Variants in CLYBL observed in about 807,000 individuals in gnomAD.
CLYBL encodes the protein citramalyl-CoA lyase, also known as citramalyl-CoA lyase, mitochondrial.
CLYBL carries 31 observed loss-of-function variants against 38.9 expected under a neutral mutation model. The ratio of observed to expected loss-of-function variants is 0.80; its 90% confidence interval spans 0.60 to 1.08. The LOEUF (loss-of-function observed/expected upper bound fraction) is 1.08. Among genes scored for constraint, CLYBL ranks in the 50% least tolerant of loss-of-function variants. The pLI, the probability that CLYBL is intolerant of heterozygous loss-of-function variation, is 0.00. For missense variants in CLYBL, 434 were observed against 411.6 expected (o/e 1.05, Z -0.47); for synonymous variants, 171 against 158.6 (o/e 1.08, Z -0.59).
intron 1 of CLYBL, among the ~76,000 whole-genome samples, chr13:99,771,003 A>C: frequency 6.8e-6 from 1 of 146,676 alleles, no homozygotes; most frequent in South Asian, 2.1e-4. Context: ...TACAGGCGTA[A>C]GCCACCACGC....
intron 1 of CLYBL, among the ~76,000 whole-genome samples, chr13:99,739,402 G>C (rs750864114): frequency 6.6e-6 from 1 of 152,096 alleles, no homozygotes; most frequent in Non-Finnish European, 1.5e-5. Context: ...ATGATGGGTC[G>C]CGTTCTGCCT....
At position 99,644,485 on chromosome 13, in the gene CLYBL, G is replaced by A. The variant is rs148115199; in HGVS notation, c.62+37728G>A. Among the ~76,000 whole-genome samples the A allele has an allele frequency of 4.6e-5, 7 of 152,264 alleles. No individual in the cohort carries two copies. The East Asian group carries it at 1.3e-3, about 29-fold the overall frequency. On this transcript the variant is annotated intron_variant, in intron 1 of 8. Transcript: ENST00000339105. ...GTAAATAGGGTATCTCTGACCTCAA[G>A]CATTTGTCATTTCTTTGTGTTTCAA...
chr13:99,832,892 G>GA (rs976184019), intron 2 of CLYBL, among the ~76,000 whole-genome samples: 2 of 147,478 alleles, frequency 1.4e-5, no homozygotes, highest in African/African-American at 2.5e-5. Flanking sequence ...AAAAATAAAA[G>GA]AAAAAAACCC....
At chr13:99,845,837 G>A (rs1273387027) in intron 2 of CLYBL, among the ~76,000 whole-genome samples, 1 of 152,086 alleles carries the variant, frequency 6.6e-6, no homozygotes, top group East Asian at 1.9e-4. Context: ...CCTGCTGGCC[G>A]TCCTTCTTCT....
chr13:99,840,477 G>A (rs909938075), intron 2 of CLYBL, among the ~76,000 whole-genome samples: 4 of 151,806 alleles, frequency 2.6e-5, no homozygotes, highest in Non-Finnish European at 4.4e-5. Context: ...AAACCAAAAG[G>A]CCAGATGCAG....
At chr13:99,827,771 C>T (rs540790533) in intron 2 of CLYBL, among the ~76,000 whole-genome samples, 10 of 152,212 alleles carry the variant, frequency 6.6e-5, no homozygotes, top group Non-Finnish European at 1.5e-4. Flanking sequence ...TCGCTTTGTC[C>T]CGACAGGCGC....
At chr13:99,673,312 C>G (rs1234287668) in intron 1 of CLYBL, among the ~76,000 whole-genome samples, 4 of 151,812 alleles carry the variant, frequency 2.6e-5, no homozygotes, top group Admixed American at 2.6e-4. Flanking sequence ...ACTCAGAAGG[C>G]TGAGGCAGGA....
downstream of CLYBL, among the ~76,000 whole-genome samples, chr13:99,897,811 G>C (rs927039361): frequency 6.6e-6 from 1 of 152,130 alleles, no homozygotes; most frequent in African/African-American, 2.4e-5. Flanking sequence ...GCTGGGTGTG[G>C]TGGCGCATGC....
At chr13:99,768,472 T>A (rs1210244724) in intron 1 of CLYBL, among the ~76,000 whole-genome samples, 1 of 146,830 alleles carries the variant, frequency 6.8e-6, no homozygotes, top group Non-Finnish European at 1.5e-5. Context: ...GGATTACAGG[T>A]GTGAGCCACT....
chr13:99,881,128 A>G lies in CLYBL; in HGVS notation c.927+10066A>G, dbSNP rs1594243163. 2.0e-5 allele frequency among the ~76,000 whole-genome samples: 3 copies of G among 152,164 alleles called. No individual in the cohort carries two copies. The South Asian group carries it at 6.2e-4, about 31-fold the overall frequency. ...TATGAATTATTTAAAGGGCTTCTCC[A>G]TCAAAGGCCATGGAGTGTCTTCCGT... On this transcript the variant is annotated intron_variant, in intron 7 of 8. Transcript: ENST00000339105.
chr13:99,711,598 G>A (rs1464001868), intron 1 of CLYBL, among the ~76,000 whole-genome samples: 15 of 147,032 alleles, frequency 1.0e-4, no homozygotes, highest in Non-Finnish European at 2.1e-4. Flanking sequence ...TAGAGATGGC[G>A]TTTCTCCATG....
intron 7 of CLYBL, among the ~76,000 whole-genome samples, chr13:99,882,475 C>A (rs1483196520): frequency 6.6e-6 from 1 of 152,000 alleles, no homozygotes; most frequent in African/African-American, 2.4e-5. Context: ...GACAACAGGG[C>A]AAAACCCCAT....
At chr13:99,895,469 G>C (rs1051762920), downstream of CLYBL, 1 of 152,248 alleles carries the variant, frequency 6.6e-6, no homozygotes, top group South Asian at 2.1e-4. Flanking sequence ...GTCTTCGCGG[G>C]GAGGCGGGAG....
intron 2 of CLYBL, among the ~76,000 whole-genome samples, chr13:99,795,291 C>T (rs1470996463): frequency 2.0e-5 from 3 of 152,112 alleles, no homozygotes; most frequent in Non-Finnish European, 2.9e-5. Flanking sequence ...AATTCTCAGC[C>T]AAGTCTAGTC....
At position 99,661,415 on chromosome 13, in the gene CLYBL, C is replaced by A. The variant is rs550665695; in HGVS notation, c.62+54658C>A. Reference sequence around the variant, plus strand: ...TTCCTACTTCTTGAAAAACTGAGATCAAAACATTTTTCTATTCTGTTGCAA... The same window carrying A: ...TTCCTACTTCTTGAAAAACTGAGATAAAAACATTTTTCTATTCTGTTGCAA... On this transcript the variant is annotated intron_variant, in intron 1 of 8. Coordinates refer to ENST00000339105, the MANE Select transcript of CLYBL (RefSeq NM_206808.5). Among the ~76,000 whole-genome samples, 34 of 152,000 alleles carry A rather than the reference C, an allele frequency of 2.2e-4. No homozygotes were observed. In the South Asian group the frequency reaches 7.1e-3, roughly 32 times the overall value.
intron 2 of CLYBL, among the ~76,000 whole-genome samples, chr13:99,841,975 C>T (rs1182953022): frequency 6.6e-6 from 1 of 151,610 alleles, no homozygotes; most frequent in African/African-American, 2.4e-5. Flanking sequence ...ACCACCACAC[C>T]CAGGGCTAAT....
chr13:99,729,734 A>G (rs754046455), intron 1 of CLYBL, among the ~76,000 whole-genome samples: 16 of 152,316 alleles, frequency 1.1e-4, no homozygotes, highest in Middle Eastern at 3.4e-3. Context: ...ATAAAGGAGA[A>G]AGAGGAAGAT....
At chr13:99,831,785 C>A (rs2050809410) in intron 2 of CLYBL, among the ~76,000 whole-genome samples, 1 of 150,326 alleles carries the variant, frequency 6.7e-6, no homozygotes, top group Non-Finnish European at 1.5e-5. Context: ...ATTTTGATAT[C>A]CCTCCATCCC....
At chr13:99,761,213 C>T (rs531223138) in intron 1 of CLYBL, among the ~76,000 whole-genome samples, 4 of 152,138 alleles carry the variant, frequency 2.6e-5, no homozygotes, top group South Asian at 4.1e-4. Context: ...ATTAGCCGGG[C>T]GTGGTGGCGG....
Sources: allele counts gnomAD v4.1 joint callset (sites outside exome capture counted in the v4.1 genomes callset), GRCh38; gene constraint gnomAD v4.1.1; transcripts MANE v1.5; gene names NCBI Gene and HGNC (gene_info 2026-07-23, HGNC 2026-07-21).